Variants in EEIG1 observed in about 807,000 individuals in gnomAD.
The protein encoded by EEIG1 is estrogen-induced osteoclastogenesis regulator 1.
the EEIG1 span, chr9:127,945,553 G>A: frequency 6.4e-7 from 1 of 1,564,858 alleles, no homozygotes; most frequent in Non-Finnish European, 8.7e-7. The surrounding 1 kb of genome is among the most constrained non-coding windows in gnomAD (Gnocchi z 6.5). Context: ...CGAGTGCTCT[G>A]TGCTGTAGCC....
the EEIG1 span, chr9:127,979,938 C>T: frequency 6.3e-7 from 1 of 1,574,820 alleles, no homozygotes; most frequent in African/African-American, 1.4e-5. Flanking sequence ...TGCCAAGTGT[C>T]TAGGTCTCGC....
At chr9:127,948,602 GAC>G in the EEIG1 span, among the ~76,000 whole-genome samples, 1 of 152,262 alleles carries the variant, frequency 6.6e-6, no homozygotes. Flanking sequence ...CTGTGTGGAG[GAC>G]AGAGATGGAA....
At chr9:127,948,165 C>A in the EEIG1 span, 1 of 1,614,094 alleles carries the variant, frequency 6.2e-7, no homozygotes, top group Non-Finnish European at 8.5e-7. Context: ...CACCCTTACA[C>A]GTCAGCTGCA....
At chr9:127,947,822 G>C in the EEIG1 span, among the ~76,000 whole-genome samples, 1 of 152,136 alleles carries the variant, frequency 6.6e-6, no homozygotes, top group East Asian at 1.9e-4. Context: ...TCTTCTGCTA[G>C]ACTGCAGGGC....
the EEIG1 span, chr9:127,942,337 C>G: frequency 6.6e-6 from 1 of 152,560 alleles, no homozygotes; most frequent in Non-Finnish European, 1.5e-5. Context: ...CAGCACGGGT[C>G]TCAGACCTGA....
chr9:127,948,507 G>A, the EEIG1 span: 1 of 1,319,490 alleles, frequency 7.6e-7, no homozygotes, highest in Non-Finnish European at 1.1e-6. Context: ...GGCCTCAGAA[G>A]GGCTTGGATT....
the EEIG1 span, among the ~76,000 whole-genome samples, chr9:127,979,755 G>A: frequency 3.3e-5 from 5 of 152,220 alleles, no homozygotes; most frequent in African/African-American, 4.8e-5. Context: ...ACTGCAGGCG[G>A]CACGCAGGGC....
chr9:127,951,246 G>A, the EEIG1 span, among the ~76,000 whole-genome samples: 1 of 152,178 alleles, frequency 6.6e-6, no homozygotes, highest in South Asian at 2.1e-4. Flanking sequence ...GACATCTCCG[G>A]TTCCCTCTGC....
chr9:127,960,058 A>C, the EEIG1 span, among the ~76,000 whole-genome samples: 1 of 152,246 alleles, frequency 6.6e-6, no homozygotes, highest in Non-Finnish European at 1.5e-5. Context: ...GGTAGGTCAG[A>C]TAAATAGAAA....
chr9:127,948,059 G>A, the EEIG1 span: 2 of 1,607,842 alleles, frequency 1.2e-6, no homozygotes, highest in African/African-American at 1.3e-5. Flanking sequence ...GCGGACAGAT[G>A]AGGAACTGTA....
chr9:127,948,129 GCTGCTGCCCCCA>G, the EEIG1 span: 1 of 1,613,724 alleles, frequency 6.2e-7, no homozygotes, highest in South Asian at 1.1e-5. Flanking sequence ...GGGAGTTGGT[GCTGCTGCCCCCA>G]CTGCTGGTCC....
chr9:127,954,560 C>A, the EEIG1 span, among the ~76,000 whole-genome samples: 1 of 152,220 alleles, frequency 6.6e-6, no homozygotes, highest in African/African-American at 2.4e-5. Flanking sequence ...CAAGAGCCAG[C>A]AGGCCCTGGA....
At chr9:127,949,960 G>A in the EEIG1 span, among the ~76,000 whole-genome samples, 1 of 152,350 alleles carries the variant, frequency 6.6e-6, no homozygotes, top group Non-Finnish European at 1.5e-5. Context: ...CGTGTCACTT[G>A]GGGAAGAGTT....
Sources: gnomAD v4.1 joint callset for allele counts (sites outside exome capture counted in the v4.1 genomes callset) on GRCh38, gnomAD v4.1.1 for gene constraint, Gnocchi (gnomAD v3.1) non-coding constraint, MANE v1.5 for transcripts, NCBI Gene and HGNC (gene_info 2026-07-23, HGNC 2026-07-21) for gene names.